The following ZNF618 variants were observed in gnomAD, a reference collection of about 807,000 sequenced individuals.
ZNF618 encodes the protein zinc finger protein 618.
Under a neutral mutation model 103.0 loss-of-function variants are expected in ZNF618, and 34 were observed. That is an observed-to-expected ratio of 0.33 (90% CI 0.25 to 0.44). The LOEUF (loss-of-function observed/expected upper bound fraction) is 0.44, where lower values mean the gene tolerates loss of function less well. Among genes scored for constraint, ZNF618 ranks in the 20% least tolerant of loss-of-function variants. ZNF618 has a pLI of 1.00. For synonymous variants in ZNF618, 551 were observed against 542.2 expected, an observed-to-expected ratio of 1.02 and a Z score of -0.23; for missense variants, 1,059 against 1,295.4, an observed-to-expected ratio of 0.82 and a Z score of 2.80.
chr9:114,006,162 G>A (rs758027172), intron 6 of ZNF618, among the ~76,000 whole-genome samples: 19 of 152,342 alleles, frequency 1.2e-4, no homozygotes, highest in African/African-American at 3.8e-4. Flanking sequence ...ACCTGGCAGC[G>A]TAACCTTGTG....
At chr9:113,975,691 T>TA (rs1288920494) in intron 2 of ZNF618, among the ~76,000 whole-genome samples, 1 of 152,064 alleles carries the variant, frequency 6.6e-6, no homozygotes, top group African/African-American at 2.4e-5. Context: ...AAAAATAAAT[T>TA]AAAAATCCAG....
At chr9:114,043,482 T>C (rs1845389285) in intron 13 of ZNF618, among the ~76,000 whole-genome samples, 1 of 152,256 alleles carries the variant, frequency 6.6e-6, no homozygotes, top group Non-Finnish European at 1.5e-5. Context: ...TGACAGCTAA[T>C]AATGTTGAGC....
Position 114,036,384 on chromosome 9 carries a change from AG to A in ZNF618, c.1246+9del. ...CACATGCAGTCCCATGCAGGTAAGT[AG>A]GATACGGCTTCTCTCCCCCTCTCCT... On this transcript the variant is annotated splice_region_variant and intron_variant, in intron 13 of 14. Transcript: ENST00000374126. 1 of 1,570,346 alleles carries A rather than the reference AG, an allele frequency of 6.4e-7. No individual in the cohort carries two copies. The highest frequency in any genetic ancestry group is 2.3e-5 in the East Asian group (1 of 42,622).
intron 4 of ZNF618, among the ~76,000 whole-genome samples, chr9:114,000,382 A>C (rs1841071190): frequency 6.6e-6 from 1 of 152,170 alleles, no homozygotes; most frequent in Non-Finnish European, 1.5e-5. Context: ...GATAAGACAA[A>C]CTTGTCCAGC....
intron 11 of ZNF618, among the ~76,000 whole-genome samples, chr9:114,032,370 T>C (rs1469423992): frequency 6.6e-6 from 1 of 152,292 alleles, no homozygotes; most frequent in Non-Finnish European, 1.5e-5. Flanking sequence ...CCATCTGCTC[T>C]CCTGCTGGAT....
intron 1 of ZNF618, among the ~76,000 whole-genome samples, chr9:113,949,947 C>G (rs1001544962): frequency 6.6e-6 from 1 of 152,230 alleles, no homozygotes. Context: ...GGTCTTGTCT[C>G]TACCTCATCT....
At position 113,914,071 on chromosome 9, in the gene ZNF618, C is replaced by A. The variant is rs562206631; in HGVS notation, c.33+37658C>A. 3.3e-5 allele frequency among the ~76,000 whole-genome samples: 5 copies of A among 152,242 alleles called. No homozygotes were observed. In the South Asian group the frequency reaches 1.0e-3, roughly 32 times the overall value. ...CCCCAACCTGGACCACCCTTTCCCC[C>A]TCTAAGCACACTTTTTATTTAACAT... On this transcript the variant is annotated intron_variant, in intron 1 of 14. Transcript: ENST00000374126.
chr9:114,031,827 G>A (rs1844075637), intron 11 of ZNF618, among the ~76,000 whole-genome samples: 1 of 151,920 alleles, frequency 6.6e-6, no homozygotes, highest in South Asian at 2.1e-4. Context: ...GGGATCGTCC[G>A]GCATCCCCCT....
At chr9:113,979,983 G>A (rs527282166) in intron 2 of ZNF618, among the ~76,000 whole-genome samples, 1 of 152,162 alleles carries the variant, frequency 6.6e-6, no homozygotes, top group African/African-American at 2.4e-5. Context: ...AGGAGAAAGG[G>A]GGGGTGGCTT....
chr9:113,959,901 G>A (rs890255012), intron 1 of ZNF618, among the ~76,000 whole-genome samples: 4 of 152,180 alleles, frequency 2.6e-5, no homozygotes, highest in Non-Finnish European at 5.9e-5. Flanking sequence ...GAGCCACCAC[G>A]CCCGGCCCCC....
chr9:113,939,084 T>G (rs1050150069), intron 1 of ZNF618, among the ~76,000 whole-genome samples: 2 of 150,958 alleles, frequency 1.3e-5, no homozygotes, highest in Non-Finnish European at 2.9e-5. Context: ...TTGTTTCTTG[T>G]CTTCAACTTG....
intron 2 of ZNF618, among the ~76,000 whole-genome samples, chr9:113,970,344 A>G (rs1411002423): frequency 6.6e-6 from 1 of 152,130 alleles, no homozygotes; most frequent in African/African-American, 2.4e-5. Flanking sequence ...TTAGTGTTTC[A>G]GGAATACCAC....
intron 1 of ZNF618, among the ~76,000 whole-genome samples, chr9:113,892,380 G>A (rs1057411097): frequency 1.1e-4 from 16 of 152,170 alleles, no homozygotes; most frequent in Admixed American, 1.0e-3. Context: ...GAAAAAGTCT[G>A]TACATGTTCT....
intron 1 of ZNF618, among the ~76,000 whole-genome samples, chr9:113,939,103 G>A (rs1834316570): frequency 6.6e-6 from 1 of 151,952 alleles, no homozygotes; most frequent in East Asian, 1.9e-4. Flanking sequence ...TGGGTAGCTA[G>A]CATCACCAGA....
At chr9:113,884,780 GA>G (rs1828902640) in intron 1 of ZNF618, among the ~76,000 whole-genome samples, 4 of 111,736 alleles carry the variant, frequency 3.6e-5, no homozygotes, top group African/African-American at 1.5e-4. Context: ...CACACAGAGA[GA>G]GAGAGAGAGA....
rs547674327 is a variant in ZNF618, at chr9:114,029,043, C to A, written c.1084+71C>A. On this transcript the variant is annotated intron_variant, in intron 11 of 14. Coordinates refer to ENST00000374126, the MANE Select transcript of ZNF618 (RefSeq NM_001318042.2). ...TTCTCACCACCTGCCACAGCTGTGC[C>A]TGGGGTTGTTGTTGCCTTGCAAGAG... The A allele has an allele frequency of 3.3e-6, 5 of 1,500,728 alleles. No individual in the cohort carries two copies. The Admixed American group carries it at 1.0e-4, about 31-fold the overall frequency. 93.0% of individuals were successfully genotyped at this position (1,500,728 alleles called of 1,614,324 possible).
intron 3 of ZNF618, among the ~76,000 whole-genome samples, chr9:113,994,505 C>G (rs1354929060): frequency 6.6e-6 from 1 of 152,218 alleles, no homozygotes; most frequent in South Asian, 2.1e-4. Flanking sequence ...AGAAAGGGCC[C>G]TTGGGCTGTA....
rs775285752 is a variant in ZNF618 at position 114,048,833 on chromosome 9, G to A, written c.1531G>A (p.Val511Ile). ...TGGTGCCCGCTATGGGGCCTTCTCG[G>A]TCACTGAAATCCTGGGCAACTTCAA... Reference protein sequence around the residue: ...DSGARYGAFSVTEILGNFNTL... With the variant: ...DSGARYGAFSITEILGNFNTL... Residue 511 changes from valine (V) to isoleucine (I), a missense_variant, in exon 15 of 15, where the codon GTC (valine) becomes ATC (isoleucine). By Grantham distance (29) the Val-to-Ile change is conservative. Transcript: ENST00000374126. 3.1e-6 allele frequency: 5 copies of A among 1,611,766 alleles called. No homozygotes were observed. In the South Asian group the frequency reaches 5.5e-5, roughly 18 times the overall value.
intron 1 of ZNF618, among the ~76,000 whole-genome samples, chr9:113,945,374 C>G (rs533238456): frequency 9.9e-5 from 15 of 152,222 alleles, no homozygotes; most frequent in Non-Finnish European, 2.2e-4. Context: ...TGTGTTCCTT[C>G]TCCGCATGTA....
Sources: gnomAD v4.1 joint callset for allele counts (sites outside exome capture counted in the v4.1 genomes callset) on GRCh38, gnomAD v4.1.1 for gene constraint, MANE v1.5 for transcripts, NCBI Gene and HGNC (gene_info 2026-07-23, HGNC 2026-07-21) for gene names.